The following CPLANE1 variants were observed in gnomAD, a reference collection of about 807,000 sequenced individuals.
The protein encoded by CPLANE1 is ciliogenesis and planar polarity effector complex subunit 1, also known as ciliogenesis and planar polarity effector 1.
In CPLANE1, 263 loss-of-function variants were observed where a neutral mutation model predicts 362.5. That is an observed-to-expected ratio of 0.73 (90% CI 0.66 to 0.80). The LOEUF is 0.80. CPLANE1 is among the 30% of genes least tolerant of loss of function. CPLANE1 has a pLI of 0.00. For missense variants in CPLANE1, 3,461 were observed against 3,793.4 expected (o/e 0.91, Z 2.30); for synonymous variants, 1,212 against 1,302.6 (o/e 0.93, Z 1.50).
At chr5:37,099,348 G>A in the CPLANE1 span, among the ~76,000 whole-genome samples, 2 of 152,180 alleles carry the variant, frequency 1.3e-5, no homozygotes, top group Admixed American at 6.6e-5. Flanking sequence ...ATGTGTCCAT[G>A]TGTTCTCATC....
intron 13 of CPLANE1, 29 bp downstream of exon 13, chr5:37,224,503 G>T (rs1796026090): frequency 1.4e-6 from 2 of 1,447,132 alleles, no homozygotes; most frequent in South Asian, 1.2e-5. Flanking sequence ...TTTATTCATG[G>T]AGTTAGAAAA....
rs1453011000 is a variant in CPLANE1, at chr5:37,153,891, C to A, written c.8222G>T (p.Cys2741Phe). The change falls in exon 42 of 53, where the codon TGC (cysteine) becomes TTC (phenylalanine). Residue 2741 changes from cysteine (C) to phenylalanine (F), a missense_variant. Coordinates refer to ENST00000651892, the MANE Select transcript of CPLANE1 (RefSeq NM_001384732.1). ...GTGAGCTGCAGAGCTTGGTGCAGGG[C>A]AAGCTGCAGAGACACCTTGCAGCCG... Reference protein sequence around the residue: ...WKRLQGVSAACPAPSSAAHQL... With the variant: ...WKRLQGVSAAFPAPSSAAHQL... 4 of 1,614,094 alleles carry A rather than the reference C, an allele frequency of 2.5e-6. No homozygotes were observed. Among genetic ancestry groups the A allele is most frequent in the Non-Finnish European group, 3.4e-6 (4 of 1,180,018 alleles).
intron 48 of CPLANE1, among the ~76,000 whole-genome samples, 181 bp downstream of exon 48, chr5:37,122,249 G>T (rs1422554525): frequency 6.6e-6 from 1 of 152,118 alleles, no homozygotes; most frequent in African/African-American, 2.4e-5. Context: ...CATAATATTT[G>T]AAAGCAAATT....
At chr5:37,135,442 C>T (rs946359463) in intron 46 of CPLANE1, among the ~76,000 whole-genome samples, 2 of 152,094 alleles carry the variant, frequency 1.3e-5, no homozygotes, top group Non-Finnish European at 2.9e-5. Context: ...CCTCAAGAAA[C>T]TTATAATCAT....
chr5:37,183,752 A>T, intron 25 of CPLANE1, 53 bp from the exon 26 acceptor site: 3 of 1,253,058 alleles, frequency 2.4e-6, no homozygotes, highest in Non-Finnish European at 3.3e-6. Flanking sequence ...AATCACTAAA[A>T]CTGATCTTAG....
intron 50 of CPLANE1, 132 bp from the exon 51 acceptor site, chr5:37,115,181 G>A: frequency 1.6e-6 from 1 of 639,770 alleles, no homozygotes; most frequent in South Asian, 2.0e-5. Flanking sequence ...TCACAGTAGG[G>A]GCCCAGTAAA....
chr5:37,114,495 G>A (rs891126424), intron 51 of CPLANE1, among the ~76,000 whole-genome samples: 2 of 152,202 alleles, frequency 1.3e-5, no homozygotes, highest in Non-Finnish European at 2.9e-5. Flanking sequence ...TGGTTAACTT[G>A]ATTCCATAAA....
intron 16 of CPLANE1, chr5:37,212,349 T>C: frequency 1.2e-6 from 1 of 852,134 alleles, no homozygotes; most frequent in South Asian, 1.3e-5. Context: ...TTTAACACGC[T>C]TTTCTCATGA....
At chr5:37,208,097 A>T (rs1187450918) in intron 16 of CPLANE1, among the ~76,000 whole-genome samples, 1 of 152,116 alleles carries the variant, frequency 6.6e-6, no homozygotes, top group East Asian at 1.9e-4. Context: ...TCTCAGGTAC[A>T]TGTCACCATG....
rs1449605609 is a variant in CPLANE1, at chr5:37,168,833, T to G, written c.7191A>C (p.Pro2397=). The G allele has an allele frequency of 6.2e-7, 1 of 1,613,490 alleles. No individual in the cohort carries two copies. ...IQPIAEERKY[P]RLSLLHSHLS... ...AATGTGAATGAAGTAATGACAATCT[T>G]GGGTATTTTCTTTCTTCTGCTATAG... The change falls in exon 34 of 53, where the codon CCA becomes CCC. Residue 2397 remains proline (P), a synonymous_variant. Coordinates refer to ENST00000651892, the MANE Select transcript of CPLANE1 (RefSeq NM_001384732.1).
chr5:37,122,449 T>C lies in CPLANE1; in HGVS notation c.8998A>G (p.Met3000Val). 6.2e-7 allele frequency: 1 copy of C among 1,613,374 alleles called. No individual in the cohort carries two copies. The highest frequency in any genetic ancestry group is 1.3e-5 in the African/African-American group (1 of 75,026). ...TSREIRLRQKMKHEKDRLLLS... is the reference protein window; with the variant it reads ...TSREIRLRQKVKHEKDRLLLS... ...ACTCACCTGTCTTTTTCATGCTTCA[T>C]CTTTTGTCTCAGCCTTATTTCCCTT... is the stretch of plus-strand genomic sequence containing the variant. The change falls in exon 48 of 53, where the codon ATG becomes GTG. Residue 3000 changes from methionine to valine, a missense_variant. By Grantham distance (21) the Met-to-Val change is conservative. Transcript: ENST00000651892.
chr5:37,228,607 T>C (rs1404168609), intron 9 of CPLANE1, among the ~76,000 whole-genome samples: 1 of 152,166 alleles, frequency 6.6e-6, no homozygotes. Context: ...TATCACATTA[T>C]CTAGTTTTTA....
At chr5:37,184,656 T>C in intron 25 of CPLANE1, 132 bp downstream of exon 25, 1 of 664,492 alleles carries the variant, frequency 1.5e-6, no homozygotes, top group Non-Finnish European at 2.6e-6. Flanking sequence ...GTGGAGGGGG[T>C]GGCACTTATC....
At chr5:37,087,209 G>C in the CPLANE1 span, among the ~76,000 whole-genome samples, 6 of 152,224 alleles carry the variant, frequency 3.9e-5, no homozygotes, top group East Asian at 9.7e-4. Context: ...GAGAAATCTT[G>C]AACAGCATTA....
chr5:37,122,329 A>C (rs965779676), intron 48 of CPLANE1, 101 bp downstream of exon 48: 14 of 905,264 alleles, frequency 1.5e-5, no homozygotes, highest in Non-Finnish European at 2.1e-5. Flanking sequence ...GTTTATTGAC[A>C]AAAAAGAGAC....
chr5:37,225,626 C>T (rs1031200563), intron 12 of CPLANE1, among the ~76,000 whole-genome samples: 4 of 151,938 alleles, frequency 2.6e-5, no homozygotes, highest in Non-Finnish European at 5.9e-5. Flanking sequence ...CTGAAGCGGG[C>T]GGATCACCTG....
At chr5:37,164,095 C>T (rs1777602592) in intron 37 of CPLANE1, among the ~76,000 whole-genome samples, 178 bp downstream of exon 37, 2 of 152,152 alleles carry the variant, frequency 1.3e-5, no homozygotes, top group South Asian at 2.1e-4. Flanking sequence ...TTCCCAATTT[C>T]TGTGGGTTTT....
chr5:37,085,918 G>GA, the CPLANE1 span: 1 of 693,870 alleles, frequency 1.4e-6, no homozygotes, highest in Non-Finnish European at 2.4e-6. Context: ...GGAATTAATA[G>GA]GAAAAAAAAA....
At chr5:37,129,050 A>C (rs1016472358) in intron 46 of CPLANE1, among the ~76,000 whole-genome samples, 1 of 152,170 alleles carries the variant, frequency 6.6e-6, no homozygotes, top group East Asian at 1.9e-4. Context: ...TACTGGTATA[A>C]AAATAGGCAC....
Sources: allele counts gnomAD v4.1 joint callset (sites outside exome capture counted in the v4.1 genomes callset), GRCh38; gene constraint gnomAD v4.1.1; transcripts MANE v1.5; gene names NCBI Gene and HGNC (gene_info 2026-07-23, HGNC 2026-07-21).